The following ZNF518A variants were observed in gnomAD, a reference collection of about 807,000 sequenced individuals.
ZNF518A encodes the protein zinc finger protein 518A.
ZNF518A carries 47 observed loss-of-function variants against 102.7 expected under a neutral mutation model. The ratio of observed to expected loss-of-function variants is 0.46; its 90% CI spans 0.36 to 0.58. The LOEUF (loss-of-function observed/expected upper bound fraction) is 0.58. ZNF518A is among the 20% of genes least tolerant of loss of function. The pLI is 0.00. For missense variants in ZNF518A, 1,793 were observed against 1,699.8 expected (o/e 1.05, Z -0.96); for synonymous variants, 652 against 594.6 (o/e 1.10, Z -1.40).
chr10:96,153,406 A>G (rs1482142140), intron 3 of ZNF518A, among the ~76,000 whole-genome samples: 1 of 152,186 alleles, frequency 6.6e-6, no homozygotes, highest in Non-Finnish European at 1.5e-5. Flanking sequence ...TCAAGTTGAT[A>G]CCTAAAATTA....
intron 3 of ZNF518A, among the ~76,000 whole-genome samples, chr10:96,134,329 C>G (rs1309003403): frequency 4.6e-5 from 7 of 152,212 alleles, no homozygotes; most frequent in Admixed American, 2.6e-4. Context: ...CTCCCAGGTG[C>G]AAGCAATTCT....
In ZNF518A at chr10:96,160,824, AC is replaced by A; in HGVS notation, c.*51del. ...AAAAGTAAAATTACCTTAGAAGAAA[AC>A]AACGGGTTCAGTTACCATAATGCAG... is the stretch of plus-strand genomic sequence containing the variant. On this transcript the variant is annotated 3_prime_UTR_variant, in exon 6 of 6. Coordinates refer to ENST00000316045, the MANE Select transcript of ZNF518A (RefSeq NM_001330736.2). The A allele has an allele frequency of 6.8e-7, 1 of 1,461,126 alleles. No homozygotes were observed. The allele number at this position is 1,461,126 out of a possible 1,614,324, so 90.5% of individuals were successfully genotyped here.
chr10:96,176,587 G>A (rs1269550877), intron 1 of ZNF518A, among the ~76,000 whole-genome samples: 1 of 152,066 alleles, frequency 6.6e-6, no homozygotes, highest in Admixed American at 6.6e-5. Context: ...AACATAGTGA[G>A]ACCTTGTTTC....
chr10:96,133,952 C>G (rs1237553847), intron 3 of ZNF518A, among the ~76,000 whole-genome samples: 1 of 152,162 alleles, frequency 6.6e-6, no homozygotes, highest in Non-Finnish European at 1.5e-5. Context: ...GTTTGACTTC[C>G]TACCACGAGA....
intron 1 of ZNF518A, among the ~76,000 whole-genome samples, chr10:96,202,487 C>A (rs1157462910): frequency 4.6e-5 from 7 of 152,294 alleles, no homozygotes; most frequent in African/African-American, 1.7e-4. Flanking sequence ...AGGTTTTTGA[C>A]AACAGCAACC....
chr10:96,186,320 C>G (rs2083271543), intron 1 of ZNF518A, among the ~76,000 whole-genome samples: 1 of 152,210 alleles, frequency 6.6e-6, no homozygotes, highest in Non-Finnish European at 1.5e-5. Context: ...GAGCTGCAGA[C>G]CGGAGCTGTT....
At chr10:96,150,843 C>A (rs1243217346) in intron 3 of ZNF518A, among the ~76,000 whole-genome samples, 1 of 148,384 alleles carries the variant, frequency 6.7e-6, no homozygotes. Context: ...ACCTCCACAT[C>A]CCAGGTTCAA....
At chr10:96,189,972 G>A in intron 1 of ZNF518A, 1 of 866,804 alleles carries the variant, frequency 1.2e-6, no homozygotes, top group South Asian at 1.3e-5. Context: ...ACTGTTGGCT[G>A]TACAGACATT....
rs2083588300 is a variant in ZNF518A at position 96,200,005 on chromosome 10, C to G, written n.36-3569C>G. 8.8e-7 allele frequency: 1 copy of G among 1,135,464 alleles called. No homozygotes were observed. Among genetic ancestry groups the G allele is most frequent in the East Asian group, 3.4e-5 (1 of 29,360 alleles). The allele number at this position is 1,135,464 out of a possible 1,614,324, so 70.3% of individuals were successfully genotyped here. A position where few individuals can be genotyped will look rare whatever the true frequency, so the allele number is the denominator to read the frequency against. On this transcript the variant is annotated intron_variant and non_coding_transcript_variant, in intron 1 of 2. Coordinates refer to the ZNF518A transcript ENST00000442635. This position sits in a 1 kb window ranked among gnomAD's most constrained non-coding sequence, Gnocchi z 4.3. ...ATCGAGCCACTGCACTCCAGTGAAA[C>G]TGCATCATCTCAAAACAAATAAATA...
intron 3 of ZNF518A, among the ~76,000 whole-genome samples, chr10:96,147,175 A>C (rs1275152718): frequency 1.3e-5 from 2 of 152,240 alleles, no homozygotes; most frequent in Non-Finnish European, 2.9e-5. Flanking sequence ...TCATGAGTTT[A>C]TGTCAATACA....
chr10:96,137,270 T>A (rs190255554), intron 3 of ZNF518A, among the ~76,000 whole-genome samples: 7 of 152,372 alleles, frequency 4.6e-5, no homozygotes, highest in African/African-American at 1.7e-4. Context: ...ATCAATTTTT[T>A]TATTTTTACT....
chr10:96,173,434 T>C (rs2083184628), intron 1 of ZNF518A, among the ~76,000 whole-genome samples: 1 of 152,152 alleles, frequency 6.6e-6, no homozygotes, highest in Admixed American at 6.6e-5. Flanking sequence ...TGGAAAAACA[T>C]GTTGTCTCAG....
intron 1 of ZNF518A, among the ~76,000 whole-genome samples, chr10:96,181,838 T>C (rs781970389): frequency 9.9e-5 from 15 of 152,186 alleles, no homozygotes; most frequent in Non-Finnish European, 1.5e-4. Flanking sequence ...TTTGGTTCCA[T>C]ATGAACTCTA....
chr10:96,175,479 T>C (rs1390934193), intron 1 of ZNF518A, among the ~76,000 whole-genome samples: 3 of 151,980 alleles, frequency 2.0e-5, no homozygotes, highest in Non-Finnish European at 4.4e-5. Context: ...TGACGTGGAG[T>C]TTGGAATGCA....
rs782137637 is a variant in ZNF518A at position 96,157,372 on chromosome 10, A to G, written c.1050A>G (p.Lys350=). Residue 350 remains lysine (K), a synonymous_variant, in exon 6 of 6, where the codon AAA becomes AAG. Coordinates refer to ENST00000316045, the MANE Select transcript of ZNF518A (RefSeq NM_001330736.2). ...AAAAGAACACTCAAGTGCTTAAGAA[A>G]ATGAACAAAACACAGACTAAATCTG... ...SIEKNTQVLK[K]MNKTQTKSED... 6.2e-7 allele frequency: 1 copy of G among 1,610,980 alleles called. No individual in the cohort carries two copies.
In ZNF518A at chr10:96,142,352, G is replaced by T. The variant is rs188179664; in HGVS notation, c.-302+8704G>T. On this transcript the variant is annotated intron_variant, in intron 3 of 5. Coordinates refer to ENST00000316045, the MANE Select transcript of ZNF518A (RefSeq NM_001330736.2). ...TGTGTGTGTGTGTGTGTGTGTGTGTGTGTTTCTAGATTCCTTTTAGCAGAA... is the reference window on the plus strand; with the variant it reads ...TGTGTGTGTGTGTGTGTGTGTGTGTTTGTTTCTAGATTCCTTTTAGCAGAA... Among the ~76,000 whole-genome samples the T allele has an allele frequency of 4.4e-3, 556 of 127,594 alleles. 3 individuals carry two copies. Among genetic ancestry groups the T allele is most frequent in the Admixed American group, 5.9e-3 (77 of 12,986 alleles). The allele number at this position is 127,594 out of a possible 152,430, so 83.7% of individuals were successfully genotyped here.
intron 3 of ZNF518A, among the ~76,000 whole-genome samples, chr10:96,153,041 C>T (rs1265975976): frequency 6.6e-5 from 10 of 152,174 alleles, no homozygotes; most frequent in African/African-American, 2.4e-4. Flanking sequence ...AGTCCAAGTC[C>T]AAACGCCTCA....
intron 1 of ZNF518A, among the ~76,000 whole-genome samples, chr10:96,178,100 A>C (rs781906979): frequency 2.0e-5 from 3 of 152,262 alleles, no homozygotes; most frequent in East Asian, 3.9e-4. Context: ...GACATAGAAG[A>C]CTAGAGCCAT....
intron 1 of ZNF518A, among the ~76,000 whole-genome samples, chr10:96,178,269 C>A (rs767142012): frequency 6.6e-6 from 1 of 152,040 alleles, no homozygotes; most frequent in Non-Finnish European, 1.5e-5. Flanking sequence ...ATATCCTTAA[C>A]AGAATTCAAT....
Sources: gnomAD v4.1 joint callset for allele counts (sites outside exome capture counted in the v4.1 genomes callset) on GRCh38, gnomAD v4.1.1 for gene constraint, Gnocchi (gnomAD v3.1) non-coding constraint, MANE v1.5 for transcripts, NCBI Gene and HGNC (gene_info 2026-07-23, HGNC 2026-07-21) for gene names.